The following AZIN2 variants were observed in gnomAD, a reference collection of about 807,000 sequenced individuals.
The protein encoded by AZIN2 is antizyme inhibitor 2.
A neutral mutation model predicts 47.8 loss-of-function variants in AZIN2; 28 were observed. The ratio of observed to expected loss-of-function variants is 0.59; its 90% CI spans 0.43 to 0.80. The LOEUF (loss-of-function observed/expected upper bound fraction) is 0.80. Among genes scored for constraint, AZIN2 ranks in the 30% least tolerant of loss-of-function variants. The pLI is 0.00. For missense variants in AZIN2, 535 were observed against 582.5 expected, an observed-to-expected ratio of 0.92 and a Z score of 0.84; for synonymous variants, 221 against 239.4, an observed-to-expected ratio of 0.92 and a Z score of 0.71.
chr1:33,159,193 C>A, the AZIN2 span, among the ~76,000 whole-genome samples: 2 of 151,962 alleles, frequency 1.3e-5, no homozygotes, highest in Non-Finnish European at 2.9e-5. This position sits in a 1 kb window ranked among gnomAD's most constrained non-coding sequence, Gnocchi z 4.2. Context: ...GTGGTAACTA[C>A]TTTCAAAGGG....
At chr1:33,092,938 T>C (rs1642733523) in intron 6 of AZIN2, among the ~76,000 whole-genome samples, 1 of 152,180 alleles carries the variant, frequency 6.6e-6, no homozygotes, top group African/African-American at 2.4e-5. Flanking sequence ...ATCGTATTAA[T>C]GGGTTCTCCT....
chr1:33,165,316 T>C, the AZIN2 span: 1 of 630,060 alleles, frequency 1.6e-6, no homozygotes, highest in Non-Finnish European at 2.7e-6. This position sits in a 1 kb window ranked among gnomAD's most constrained non-coding sequence, Gnocchi z 4.0. Context: ...CCTACCCTCT[T>C]CCCCACCCTG....
In AZIN2 at chr1:33,107,149, A is replaced by T. The variant is rs370284210; in HGVS notation, c.1029+8970A>T. Among the ~76,000 whole-genome samples, 8 of 151,816 alleles carry T rather than the reference A, an allele frequency of 5.3e-5. No homozygotes were observed. In the South Asian group the frequency reaches 1.5e-3, roughly 28 times the overall value. On this transcript the variant is annotated intron_variant, in intron 10 of 11. Coordinates refer to ENST00000294517, the MANE Select transcript of AZIN2 (RefSeq NM_052998.4). Reference sequence around the variant, plus strand: ...GAGATACAAAATTATCCAGGCGTAAAGATGTGTGCCTGTAATCCTAGCTAC... The same window carrying T: ...GAGATACAAAATTATCCAGGCGTAATGATGTGTGCCTGTAATCCTAGCTAC...
At chr1:33,118,223 G>C in intron 11 of AZIN2, 107 bp downstream of exon 11, 1 of 1,223,756 alleles carries the variant, frequency 8.2e-7, no homozygotes, top group Non-Finnish European at 1.1e-6. Context: ...TTGACAAGTA[G>C]CTGTTGGCTG....
chr1:33,159,809 T>A, the AZIN2 span: 1 of 1,613,918 alleles, frequency 6.2e-7, no homozygotes, highest in Non-Finnish European at 8.5e-7. The surrounding 1 kb of genome is among the most constrained non-coding windows in gnomAD (Gnocchi z 4.2). Flanking sequence ...CGCTGGACTT[T>A]CTGCTCGATG....
chr1:33,165,210 G>A, the AZIN2 span: 1 of 362,756 alleles, frequency 2.8e-6, no homozygotes, highest in Non-Finnish European at 5.0e-6. The surrounding 1 kb of genome is among the most constrained non-coding windows in gnomAD (Gnocchi z 4.0). Context: ...AAAGTGGGAA[G>A]GGAGAAATGG....
chr1:33,151,135 AG>A, the AZIN2 span, among the ~76,000 whole-genome samples: 3 of 152,006 alleles, frequency 2.0e-5, no homozygotes, highest in Non-Finnish European at 2.9e-5. Context: ...GAGGGAGACA[AG>A]GGGGCTCTCC....
the AZIN2 span, among the ~76,000 whole-genome samples, chr1:33,140,363 G>A: frequency 1.3e-5 from 2 of 152,182 alleles, no homozygotes; most frequent in African/African-American, 2.4e-5. This position sits in a 1 kb window ranked among gnomAD's most constrained non-coding sequence, Gnocchi z 4.0. Flanking sequence ...TCCCATATCT[G>A]CTTCTCCCTT....
At position 33,093,420 on chromosome 1, in the gene AZIN2, AGCACTG is replaced by A. The variant is rs1361869160; in HGVS notation, c.587+6_587+11del. The A allele has an allele frequency of 6.2e-7, 1 of 1,612,862 alleles. No individual in the cohort carries two copies. The highest frequency in any genetic ancestry group is 8.5e-7 in the Non-Finnish European group (1 of 1,179,294). ...ATGTGGAGGTGGTGGGTGTGAGGTG[AGCACTG>A]GGAACCCCTGCCATCCCCTCCCACA... On this transcript the variant is annotated splice_donor_5th_base_variant and intron_variant, in intron 7 of 11. Transcript: ENST00000294517.
chr1:33,165,209 A>G, the AZIN2 span: 3 of 347,630 alleles, frequency 8.6e-6, no homozygotes, highest in Admixed American at 9.5e-5. This position sits in a 1 kb window ranked among gnomAD's most constrained non-coding sequence, Gnocchi z 4.0. Context: ...CAAAGTGGGA[A>G]GGGAGAAATG....
chr1:33,117,664 C>T (rs954453356), intron 10 of AZIN2, among the ~76,000 whole-genome samples: 1 of 152,162 alleles, frequency 6.6e-6, no homozygotes, highest in African/African-American at 2.4e-5. Context: ...AAGCATTTTG[C>T]CCAAGGTCAC....
At chr1:33,119,991 G>A in intron 11 of AZIN2, 53 bp from the exon 12 acceptor site, 1 of 1,609,412 alleles carries the variant, frequency 6.2e-7, no homozygotes, top group Admixed American at 1.7e-5. Context: ...TCCAGGTACA[G>A]GGCCCTGCCA....
the AZIN2 span, among the ~76,000 whole-genome samples, chr1:33,149,059 G>A: frequency 6.6e-6 from 1 of 152,134 alleles, no homozygotes; most frequent in Non-Finnish European, 1.5e-5. Flanking sequence ...CACCCCCAGA[G>A]GCTCAATTCA....
At chr1:33,097,639 G>A (rs1379837497) in intron 9 of AZIN2, among the ~76,000 whole-genome samples, 1 of 152,182 alleles carries the variant, frequency 6.6e-6, no homozygotes, top group Non-Finnish European at 1.5e-5. Context: ...GTTCGTGTGT[G>A]GCATTCTTCT....
rs147517718 is a variant in AZIN2, at chr1:33,096,785, C to T, written c.832C>T (p.Arg278Cys). The T allele has an allele frequency of 1.8e-5, 29 of 1,614,092 alleles. No individual in the cohort carries two copies. Among genetic ancestry groups the T allele is most frequent in the African/African-American group, 1.6e-4 (12 of 74,924 alleles). ...CGVDIFAELGRYYVTSAFTVA... is the reference protein window; with the variant it reads ...CGVDIFAELGCYYVTSAFTVA... ...CGTGGACATCTTTGCTGAGCTGGGG[C>T]GCTACTACGTGACCTCGGCCTTCAC... Residue 278 changes from arginine to cysteine, a missense_variant, in exon 9 of 12, where the codon CGC (arginine) becomes TGC (cysteine). Physicochemically the swap from Arg to Cys is radical, Grantham distance 180. Transcript: ENST00000294517.
intron 7 of AZIN2, 96 bp from the exon 8 acceptor site, chr1:33,094,452 T>G: frequency 7.8e-7 from 1 of 1,279,010 alleles, no homozygotes; most frequent in East Asian, 2.3e-5. Flanking sequence ...ATGGGCACAG[T>G]GTCTCATGTG....
the AZIN2 span, among the ~76,000 whole-genome samples, chr1:33,149,013 G>A: frequency 6.6e-6 from 1 of 152,114 alleles, no homozygotes; most frequent in African/African-American, 2.4e-5. Context: ...CTGCTTACAC[G>A]GTTCCCTCCA....
chr1:33,165,432 T>C, the AZIN2 span: 2 of 1,498,202 alleles, frequency 1.3e-6, no homozygotes, highest in South Asian at 2.4e-5. The surrounding 1 kb of genome is among the most constrained non-coding windows in gnomAD (Gnocchi z 4.0). Flanking sequence ...CCTGCCCTCA[T>C]CTCTGCCGGC....
intron 10 of AZIN2, among the ~76,000 whole-genome samples, chr1:33,099,174 C>A (rs374135906): frequency 5.0e-4 from 76 of 152,250 alleles, no homozygotes; most frequent in African/African-American, 1.8e-3. Context: ...CCCTTCCCAA[C>A]CTATCCAGTT....
Sources: allele counts gnomAD v4.1 joint callset (sites outside exome capture counted in the v4.1 genomes callset), GRCh38; gene constraint gnomAD v4.1.1; non-coding constraint Gnocchi (gnomAD v3.1); transcripts MANE v1.5; gene names NCBI Gene and HGNC (gene_info 2026-07-23, HGNC 2026-07-21).